The following LIN28A variants were observed in gnomAD, a reference collection of about 807,000 sequenced individuals.
LIN28A encodes lin-28 RNA binding posttranscriptional regulator A.
LIN28A carries 11 observed loss-of-function variants against 21.1 expected under a neutral mutation model. The ratio of observed to expected loss-of-function variants is 0.52; its 90% CI spans 0.33 to 0.86. The LOEUF (loss-of-function observed/expected upper bound fraction) is 0.86. Ranked by LOEUF, LIN28A falls within the 40% of genes least tolerant of loss-of-function variation. The pLI is 0.03. For synonymous variants in LIN28A, 111 were observed against 108.7 expected (o/e 1.02, Z -0.13); for missense variants, 219 against 279.8 (o/e 0.78, Z 1.55).
intron 3 of LIN28A, 125 bp from the exon 4 acceptor site, chr1:26,426,117 G>A: frequency 2.9e-6 from 2 of 693,718 alleles, no homozygotes; most frequent in South Asian, 1.8e-5. Context: ...CAAGTGGGAA[G>A]TTTGGTCTCT....
At chr1:26,425,207 C>A in intron 2 of LIN28A, 96 bp from the exon 3 acceptor site, 1 of 1,208,886 alleles carries the variant, frequency 8.3e-7, no homozygotes, top group Non-Finnish European at 1.2e-6. Flanking sequence ...GGAGTACCAT[C>A]ACATTTGATT....
chr1:26,422,521 G>A (rs1228386494), intron 2 of LIN28A, among the ~76,000 whole-genome samples: 3 of 150,446 alleles, frequency 2.0e-5, no homozygotes, highest in African/African-American at 7.4e-5. Context: ...CATTTTTGAA[G>A]TCCTGTTTTA....
intron 1 of LIN28A, 24 bp downstream of exon 1, chr1:26,410,946 G>A (rs1349545706): frequency 1.9e-6 from 3 of 1,605,226 alleles, no homozygotes; most frequent in South Asian, 1.1e-5. Context: ...ACTTAGCGGG[G>A]ACACTTTAGG....
At chr1:26,416,852 C>T (rs1034564831) in intron 2 of LIN28A, among the ~76,000 whole-genome samples, 6 of 151,916 alleles carry the variant, frequency 3.9e-5, no homozygotes, top group African/African-American at 1.5e-4. Context: ...CTCCTGACCT[C>T]GTGGTGATCC....
At chr1:26,414,387 G>A (rs751515094) in intron 2 of LIN28A, among the ~76,000 whole-genome samples, 3 of 152,076 alleles carry the variant, frequency 2.0e-5, no homozygotes, top group Non-Finnish European at 2.9e-5. Context: ...AAGAGGAAGG[G>A]GGAAAGGCAA....
At chr1:26,421,832 C>A (rs2075030097) in intron 2 of LIN28A, among the ~76,000 whole-genome samples, 1 of 152,028 alleles carries the variant, frequency 6.6e-6, no homozygotes, top group Admixed American at 6.6e-5. Flanking sequence ...GAACAATACC[C>A]AACACTCCCA....
At chr1:26,416,816 A>C (rs891845166) in intron 2 of LIN28A, among the ~76,000 whole-genome samples, 1 of 151,670 alleles carries the variant, frequency 6.6e-6, no homozygotes, top group African/African-American at 2.4e-5. Context: ...ATGGGGTTTC[A>C]CCATGTTAGC....
intron 2 of LIN28A, among the ~76,000 whole-genome samples, chr1:26,418,299 C>T (rs1454735376): frequency 6.6e-6 from 1 of 152,098 alleles, no homozygotes; most frequent in African/African-American, 2.4e-5. Flanking sequence ...GTAATCCCAG[C>T]ACTTTGGGAG....
Position 26,426,797 on chromosome 1 carries a change from TA to T in LIN28A, c.*341del. ...TGTTTTCCTTTTAAAGAAGGATATA[TA>T]ATAATTCCCATGCCAGAGTGAAATG... is the stretch of plus-strand genomic sequence containing the variant. On this transcript the variant is annotated 3_prime_UTR_variant, in exon 4 of 4. Transcript: ENST00000326279. 3 of 279,106 alleles carry T rather than the reference TA, an allele frequency of 1.1e-5. No individual in the cohort carries two copies. Among genetic ancestry groups the T allele is most frequent in the South Asian group, 8.3e-5 (2 of 24,082 alleles). 17.3% of individuals were successfully genotyped at this position (279,106 alleles called of 1,614,324 possible). A position where few individuals can be genotyped will look rare whatever the true frequency, so the allele number is the denominator to read the frequency against.
chr1:26,421,098 C>A (rs2075026074), intron 2 of LIN28A, among the ~76,000 whole-genome samples: 2 of 151,876 alleles, frequency 1.3e-5, no homozygotes, highest in Admixed American at 6.6e-5. Flanking sequence ...AATTTTGGTA[C>A]AAACGTGCAG....
At chr1:26,414,293 G>C (rs2074980786) in intron 2 of LIN28A, among the ~76,000 whole-genome samples, 1 of 151,582 alleles carries the variant, frequency 6.6e-6, no homozygotes, top group South Asian at 2.1e-4. Context: ...GGGCACCCTG[G>C]GGTTGGGGTG....
intron 2 of LIN28A, among the ~76,000 whole-genome samples, chr1:26,416,867 G>A (rs2074996611): frequency 6.6e-6 from 1 of 152,118 alleles, no homozygotes; most frequent in African/African-American, 2.4e-5. Context: ...TGATCCGCCT[G>A]CCTCGGCCTC....
chr1:26,415,609 T>G (rs2074988319), intron 2 of LIN28A, among the ~76,000 whole-genome samples: 1 of 152,116 alleles, frequency 6.6e-6, no homozygotes, highest in African/African-American at 2.4e-5. Flanking sequence ...CTGGGGTCCA[T>G]GTTGGCAGAG....
intron 3 of LIN28A, 22 bp downstream of exon 3, chr1:26,425,509 A>C (rs779127761): frequency 3.7e-6 from 6 of 1,608,802 alleles, no homozygotes; most frequent in Non-Finnish European, 3.4e-6. Context: ...AAGGCAGCTT[A>C]TATAGGTTGC....
intron 2 of LIN28A, among the ~76,000 whole-genome samples, chr1:26,413,766 A>T (rs2074975891): frequency 6.7e-6 from 1 of 150,252 alleles, no homozygotes. Flanking sequence ...ACCGTAAGTT[A>T]GATTAGTGAT....
chr1:26,423,396 T>TC (rs1278654503), intron 2 of LIN28A, among the ~76,000 whole-genome samples: 1 of 142,976 alleles, frequency 7.0e-6, no homozygotes, highest in East Asian at 2.1e-4. Flanking sequence ...TATTATGATT[T>TC]CCTTTTTTTT....
intron 2 of LIN28A, among the ~76,000 whole-genome samples, chr1:26,418,542 T>TTA (rs569119973): frequency 1.0e-4 from 15 of 144,436 alleles, no homozygotes; most frequent in South Asian, 2.2e-4. Context: ...CCAGACTTTT[T>TTA]AAAAAAAAAA....
intron 2 of LIN28A, among the ~76,000 whole-genome samples, chr1:26,414,507 A>G (rs980491970): frequency 6.6e-6 from 1 of 152,154 alleles, no homozygotes; most frequent in African/African-American, 2.4e-5. Context: ...CCTCTTCAAG[A>G]GTAGATGAGT....
intron 2 of LIN28A, among the ~76,000 whole-genome samples, chr1:26,423,413 C>CTTTTTTTTTTTTTTTTTTTT (rs1202952934): frequency 4.2e-4 from 33 of 78,822 alleles, no homozygotes; most frequent in East Asian, 9.2e-4. Flanking sequence ...TTTTCTTTTT[C>CTTTTTTTTTTTTTTTTTTTT]TTTTTTTTTT....
Sources: gnomAD v4.1 joint callset for allele counts (sites outside exome capture counted in the v4.1 genomes callset) on GRCh38, gnomAD v4.1.1 for gene constraint, MANE v1.5 for transcripts, NCBI Gene and HGNC (gene_info 2026-07-23, HGNC 2026-07-21) for gene names.